Variants in RGL1 observed in about 807,000 individuals in gnomAD.
The protein encoded by RGL1 is ral guanine nucleotide dissociation stimulator like 1, also known as ral guanine nucleotide dissociation stimulator-like 1.
Under a neutral mutation model 95.2 loss-of-function variants are expected in RGL1, and 24 were observed. The observed-to-expected ratio is 0.25, with a 90% confidence interval of 0.18 to 0.35. The LOEUF is 0.35. Among genes scored for constraint, RGL1 ranks in the 10% least tolerant of loss-of-function variants. The pLI is 1.00. For synonymous variants in RGL1, 329 were observed against 344.9 expected (o/e 0.95, Z 0.51); for missense variants, 715 against 936.3 (o/e 0.76, Z 3.08).
intron 2 of RGL1, among the ~76,000 whole-genome samples, chr1:183,743,369 A>AACAAGAACTTC (rs1401085042): frequency 1.6e-5 from 1 of 61,782 alleles, no homozygotes; most frequent in Non-Finnish European, 3.1e-5. Flanking sequence ...GAGGTAGCAA[A>AACAAGAACTTC]GCAACAACTA....
At chr1:183,653,739 A>G (rs1423572950) in intron 1 of RGL1, among the ~76,000 whole-genome samples, 2 of 152,160 alleles carry the variant, frequency 1.3e-5, no homozygotes, top group East Asian at 1.9e-4. Flanking sequence ...CCCTCCTCTT[A>G]GAAATTGCCT....
chr1:183,642,299 A>G (rs1649980118), intron 1 of RGL1, among the ~76,000 whole-genome samples: 1 of 152,214 alleles, frequency 6.6e-6, no homozygotes, highest in African/African-American at 2.4e-5. Flanking sequence ...GAGTAGCTCT[A>G]TAGCCTAGAA....
chr1:183,769,995 T>C (rs984316468), intron 2 of RGL1, among the ~76,000 whole-genome samples: 2 of 152,200 alleles, frequency 1.3e-5, no homozygotes, highest in African/African-American at 2.4e-5. Flanking sequence ...CAAAATAGTA[T>C]TACAAAAGAT....
At chr1:183,836,560 G>A (rs1021320973) in intron 2 of RGL1, among the ~76,000 whole-genome samples, 9 of 152,196 alleles carry the variant, frequency 5.9e-5, no homozygotes, top group Admixed American at 5.2e-4. Flanking sequence ...GAGCCACTGC[G>A]CCCAGCCTTC....
chr1:183,817,691 T>C (rs1385066553), intron 2 of RGL1, among the ~76,000 whole-genome samples: 2 of 152,220 alleles, frequency 1.3e-5, no homozygotes, highest in Non-Finnish European at 2.9e-5. Context: ...ACAAAGATGC[T>C]TAATAAGTGA....
At chr1:183,919,729 A>G (rs1669205783) in intron 16 of RGL1, among the ~76,000 whole-genome samples, 1 of 152,210 alleles carries the variant, frequency 6.6e-6, no homozygotes, top group Admixed American at 6.5e-5. Flanking sequence ...CCATTGTGTC[A>G]ATCACAGAGT....
intron 16 of RGL1, among the ~76,000 whole-genome samples, chr1:183,917,914 C>T (rs377341116): frequency 2.5e-4 from 38 of 152,138 alleles, no homozygotes; most frequent in African/African-American, 7.2e-4. Context: ...AGACTGGAGG[C>T]GGGGAAGCAA....
chr1:183,814,013 C>T (rs1184291273), intron 2 of RGL1, among the ~76,000 whole-genome samples: 3 of 152,102 alleles, frequency 2.0e-5, no homozygotes, highest in African/African-American at 7.2e-5. Context: ...TTGATTTTGT[C>T]ATGTTTTGCT....
In RGL1 at chr1:183,907,093, A is replaced by G. The variant is rs758363116; in HGVS notation, c.1554A>G (p.Arg518=). The part of the protein sequence containing the change: ...SPKPRKSMVK[R]LSLLFLGSDM... Reference sequence around the variant, plus strand: ...AGCCTCGGAAGAGCATGGTGAAGAGACTCAGCCTGTGAGTGTCCCCTGGGG... The same window carrying G: ...AGCCTCGGAAGAGCATGGTGAAGAGGCTCAGCCTGTGAGTGTCCCCTGGGG... Residue 518 remains arginine (R), a synonymous_variant, in exon 14 of 18, where the codon AGA becomes AGG. Coordinates refer to ENST00000360851, the MANE Select transcript of RGL1 (RefSeq NM_001297671.3). 6.2e-7 allele frequency: 1 copy of G among 1,606,162 alleles called. No homozygotes were observed. Among genetic ancestry groups the G allele is most frequent in the Admixed American group, 1.7e-5 (1 of 59,724 alleles).
intron 2 of RGL1, among the ~76,000 whole-genome samples, chr1:183,753,642 A>C (rs949542080): frequency 6.6e-6 from 1 of 152,204 alleles, no homozygotes; most frequent in African/African-American, 2.4e-5. Context: ...GTAATAAACA[A>C]GCTGGCATTT....
intron 2 of RGL1, among the ~76,000 whole-genome samples, chr1:183,846,969 T>G (rs776091397): frequency 1.1e-4 from 17 of 152,070 alleles, no homozygotes; most frequent in Non-Finnish European, 2.5e-4. Flanking sequence ...AAAATGCGCT[T>G]GGTAAAATTA....
intron 2 of RGL1, among the ~76,000 whole-genome samples, chr1:183,759,139 G>GA (rs1425642072): frequency 1.3e-5 from 2 of 152,116 alleles, no homozygotes; most frequent in Admixed American, 1.3e-4. Context: ...AGAGGCTCAG[G>GA]AAAAAACAAA....
chr1:183,649,681 G>T (rs1484496113), intron 1 of RGL1, among the ~76,000 whole-genome samples: 2 of 152,098 alleles, frequency 1.3e-5, no homozygotes, highest in African/African-American at 4.8e-5. Context: ...AAGCAAATAT[G>T]GTTCTTTAGA....
chr1:183,647,505 T>G (rs552157980), intron 1 of RGL1: 33 of 1,097,950 alleles, frequency 3.0e-5, no homozygotes, highest in Middle Eastern at 6.5e-4. Context: ...TTGGATTATG[T>G]TTAAAATAGT....
intron 1 of RGL1, among the ~76,000 whole-genome samples, chr1:183,703,162 G>A (rs993817251): frequency 6.6e-6 from 1 of 152,194 alleles, no homozygotes; most frequent in Non-Finnish European, 1.5e-5. Context: ...AGGCCCTGGG[G>A]AAAGTCTTTC....
In RGL1 at chr1:183,781,393, C is replaced by G. The variant is rs75398531; in HGVS notation, c.133-24982C>G. Among the ~76,000 whole-genome samples, 273 of 152,196 alleles carry G rather than the reference C, an allele frequency of 1.8e-3. 6 individuals carry two copies. The East Asian group carries it at 0.042, about 23-fold the overall frequency. On this transcript the variant is annotated intron_variant, in intron 2 of 18. Coordinates refer to the RGL1 transcript ENST00000304685. Reference sequence around the variant, plus strand: ...CCCTCTTTGGCCACATACCCAGTTGCTATTGAAAACACTAACTTAGAAACC... The same window carrying G: ...CCCTCTTTGGCCACATACCCAGTTGGTATTGAAAACACTAACTTAGAAACC...
intron 1 of RGL1, among the ~76,000 whole-genome samples, chr1:183,646,081 A>G (rs1650272521): frequency 6.6e-6 from 1 of 152,212 alleles, no homozygotes; most frequent in Non-Finnish European, 1.5e-5. Context: ...AATTGGATCT[A>G]TTTTAATAAT....
chr1:183,883,773 C>T lies in RGL1; in HGVS notation c.611-13C>T, dbSNP rs377589851. 5 of 1,613,460 alleles carry T rather than the reference C, an allele frequency of 3.1e-6. No homozygotes were observed. Among genetic ancestry groups the T allele is most frequent in the Non-Finnish European group, 2.5e-6 (3 of 1,179,582 alleles). On this transcript the variant is annotated splice_polypyrimidine_tract_variant and intron_variant, in intron 5 of 17. Transcript: ENST00000360851. The stretch of plus-strand genomic sequence containing the variant: ...CTGGCGCCAAATTACTAATCTTTTC[C>T]ATATGTGAACAGATGGGCTTCCCAA...
chr1:183,714,886 G>T (rs1408106593), intron 1 of RGL1, among the ~76,000 whole-genome samples: 1 of 152,204 alleles, frequency 6.6e-6, no homozygotes, highest in Non-Finnish European at 1.5e-5. Flanking sequence ...TGAACTGGGA[G>T]TTGGAGGCAG....
Sources: allele counts gnomAD v4.1 joint callset (sites outside exome capture counted in the v4.1 genomes callset), GRCh38; gene constraint gnomAD v4.1.1; transcripts MANE v1.5; gene names NCBI Gene and HGNC (gene_info 2026-07-23, HGNC 2026-07-21).